Variants in C12orf42 observed in about 807,000 individuals in gnomAD.
C12orf42 encodes the protein chromosome 12 open reading frame 42.
Under a neutral mutation model 21.6 loss-of-function variants are expected in C12orf42, and 25 were observed. That is an observed-to-expected ratio of 1.16 (90% confidence interval 0.84 to 1.62). The LOEUF is 1.62. Among genes scored for constraint, C12orf42 ranks in the 40% most tolerant of loss-of-function variants. C12orf42 has a pLI of 0.00. For synonymous variants in C12orf42, 174 were observed against 175.0 expected (o/e 0.99, Z 0.05); for missense variants, 483 against 459.3 (o/e 1.05, Z -0.47).
the C12orf42 span, among the ~76,000 whole-genome samples, chr12:103,526,808 G>A: frequency 1.3e-5 from 2 of 152,186 alleles, no homozygotes; most frequent in African/African-American, 4.8e-5. Context: ...TTCAATCTGG[G>A]ACTGCTAGCC....
rs909070170 is a variant in C12orf42, at chr12:103,446,576, T to A, written c.78+31773A>T. 2.6e-5 allele frequency among the ~76,000 whole-genome samples: 4 copies of A among 152,004 alleles called. No homozygotes were observed. The East Asian group carries it at 7.7e-4, about 29-fold the overall frequency. On this transcript the variant is annotated intron_variant, in intron 2 of 5. Coordinates refer to ENST00000548883, the MANE Select transcript of C12orf42 (RefSeq NM_198521.5). Reference sequence around the variant, plus strand: ...AAAAGATATGGAATGGAAGAAGTGATAAGATTTCATCAACCAAGTTTCTGC... The same window carrying A: ...AAAAGATATGGAATGGAAGAAGTGAAAAGATTTCATCAACCAAGTTTCTGC...
chr12:103,150,730 A>C, the C12orf42 span, among the ~76,000 whole-genome samples: 1 of 152,142 alleles, frequency 6.6e-6, no homozygotes, highest in Non-Finnish European at 1.5e-5. Flanking sequence ...TCACTTATGG[A>C]TCAGAGCCTC....
chr12:103,502,819 A>C, the C12orf42 span, among the ~76,000 whole-genome samples: 2 of 152,170 alleles, frequency 1.3e-5, no homozygotes, highest in African/African-American at 4.8e-5. Context: ...AGGAACCCTC[A>C]GTCTGTGGTA....
the C12orf42 span, among the ~76,000 whole-genome samples, chr12:103,223,223 G>A: frequency 2.0e-5 from 3 of 152,130 alleles, no homozygotes; most frequent in Non-Finnish European, 2.9e-5. Context: ...GAGAATGGGC[G>A]ATGTTTCTCA....
the C12orf42 span, among the ~76,000 whole-genome samples, chr12:103,191,771 G>T: frequency 2.0e-5 from 3 of 147,362 alleles, no homozygotes; most frequent in African/African-American, 4.9e-5. Flanking sequence ...GAAAAGAAAA[G>T]AAAATATTAA....
At chr12:103,220,299 G>A in the C12orf42 span, among the ~76,000 whole-genome samples, 1 of 152,104 alleles carries the variant, frequency 6.6e-6, no homozygotes, top group South Asian at 2.1e-4. Context: ...TAATGCAGAT[G>A]ACGGGTTGAT....
the C12orf42 span, among the ~76,000 whole-genome samples, chr12:103,231,602 C>T: frequency 5.9e-5 from 9 of 152,266 alleles, no homozygotes; most frequent in Admixed American, 3.9e-4. Flanking sequence ...TAGTAACATG[C>T]ATTTAAGTTT....
At chr12:103,382,389 T>C (rs1018754535) in intron 3 of C12orf42, among the ~76,000 whole-genome samples, 2 of 152,212 alleles carry the variant, frequency 1.3e-5, no homozygotes, top group Non-Finnish European at 2.9e-5. Context: ...ACAAAGATGC[T>C]AAGGCAATAG....
chr12:103,284,217 T>A (rs975994325), intron 4 of C12orf42, among the ~76,000 whole-genome samples: 1 of 152,094 alleles, frequency 6.6e-6, no homozygotes, highest in African/African-American at 2.4e-5. Flanking sequence ...ATATCTGGAG[T>A]TCTTATTTTT....
At chr12:103,123,505 A>C in the C12orf42 span, among the ~76,000 whole-genome samples, 13 of 152,208 alleles carry the variant, frequency 8.5e-5, no homozygotes, top group Non-Finnish European at 1.5e-4. Context: ...CTCCCTAATC[A>C]AAATGACTAT....
chr12:103,065,251 T>G, the C12orf42 span, among the ~76,000 whole-genome samples: 2 of 152,200 alleles, frequency 1.3e-5, no homozygotes. Flanking sequence ...TGACAATGGA[T>G]TATCATAAAC....
chr12:103,520,812 GTC>G, the C12orf42 span, among the ~76,000 whole-genome samples: 1 of 152,218 alleles, frequency 6.6e-6, no homozygotes, highest in African/African-American at 2.4e-5. Flanking sequence ...ACACTCATCT[GTC>G]TCTCTCTTGT....
At chr12:103,362,499 A>G (rs992830399) in intron 4 of C12orf42, among the ~76,000 whole-genome samples, 4 of 152,144 alleles carry the variant, frequency 2.6e-5, no homozygotes, top group Non-Finnish European at 5.9e-5. Context: ...AATGGATCCA[A>G]ACCAAAAAAC....
chr12:103,542,419 C>G, the C12orf42 span, among the ~76,000 whole-genome samples: 1 of 152,132 alleles, frequency 6.6e-6, no homozygotes, highest in African/African-American at 2.4e-5. Context: ...AACAGATGCC[C>G]GGAAAGACTT....
intron 3 of C12orf42, among the ~76,000 whole-genome samples, chr12:103,391,968 G>A (rs1050819533): frequency 6.6e-6 from 1 of 151,974 alleles, no homozygotes; most frequent in African/African-American, 2.4e-5. Context: ...GCTCTTACAT[G>A]TCTGTCTTTG....
At position 103,346,145 on chromosome 12, in the gene C12orf42, CAT is replaced by C. The variant is rs2042603091; in HGVS notation, c.259+22740_259+22741del. ...AAAGAGATTCTTTTTCTTTCTACAA[CAT>C]AGAGGAAGCAGATTATAATCCTCCA... On this transcript the variant is annotated intron_variant, in intron 4 of 5. Transcript: ENST00000548883. Among the ~76,000 whole-genome samples, 3 of 152,214 alleles carry C rather than the reference CAT, an allele frequency of 2.0e-5. No homozygotes were observed. The South Asian group carries it at 6.2e-4, about 32-fold the overall frequency.
the C12orf42 span, among the ~76,000 whole-genome samples, chr12:103,184,601 AT>A: frequency 1.3e-5 from 2 of 151,938 alleles, no homozygotes; most frequent in African/African-American, 2.4e-5. Context: ...AACAAAGAAA[AT>A]TCTGTGGTAG....
intron 10 of C12orf42, among the ~76,000 whole-genome samples, chr12:103,238,542 A>C (rs755706608): frequency 4.4e-4 from 67 of 152,338 alleles, no homozygotes; most frequent in South Asian, 1.0e-3. Context: ...CTTGGATATA[A>C]TCTGAGGAGT....
chr12:103,159,290 T>A, the C12orf42 span, among the ~76,000 whole-genome samples: 1 of 152,182 alleles, frequency 6.6e-6, no homozygotes, highest in Non-Finnish European at 1.5e-5. Context: ...TTTCTTCCAC[T>A]CCAGTGGTGC....
Sources: gnomAD v4.1 joint callset for allele counts (sites outside exome capture counted in the v4.1 genomes callset) on GRCh38, gnomAD v4.1.1 for gene constraint, MANE v1.5 for transcripts, NCBI Gene and HGNC (gene_info 2026-07-23, HGNC 2026-07-21) for gene names.